WWOX: variants seen among roughly 807,000 people sequenced by gnomAD.
WWOX encodes WW domain-containing oxidoreductase.
A neutral mutation model predicts 46.2 loss-of-function variants in WWOX; 69 were observed. The ratio of observed to expected loss-of-function variants is 1.49; its 90% CI spans 1.23 to 1.82. The LOEUF (loss-of-function observed/expected upper bound fraction) is 1.82, where lower values mean the gene tolerates loss of function less well. Ranked by LOEUF, WWOX falls within the 40% of genes most tolerant of loss-of-function variation. The pLI is 0.00. For missense variants in WWOX, 919 were observed against 542.6 expected, an observed-to-expected ratio of 1.69 and a Z score of -6.89; for synonymous variants, 359 against 202.6, an observed-to-expected ratio of 1.77 and a Z score of -6.56.
intron 8 of WWOX, among the ~76,000 whole-genome samples, chr16:78,951,435 A>G (rs1567670690): frequency 6.6e-6 from 1 of 152,116 alleles, no homozygotes; most frequent in East Asian, 1.9e-4. Flanking sequence ...CTGGACCTGG[A>G]ATAAAGACCA....
At chr16:78,222,853 C>G (rs947162852) in intron 5 of WWOX, among the ~76,000 whole-genome samples, 2 of 152,214 alleles carry the variant, frequency 1.3e-5, no homozygotes, top group Non-Finnish European at 2.9e-5. Context: ...AGTAATCTCA[C>G]AAAAGATCTT....
chr16:78,359,169 T>C (rs1321355566), intron 5 of WWOX, among the ~76,000 whole-genome samples: 2 of 152,214 alleles, frequency 1.3e-5, no homozygotes, highest in East Asian at 3.8e-4. Context: ...CACCATATCA[T>C]GTATTTGTCA....
chr16:78,914,406 G>A lies in WWOX; in HGVS notation c.1057-297202G>A, dbSNP rs189820831. 5.5e-3 allele frequency among the ~76,000 whole-genome samples: 830 copies of A among 152,196 alleles called. 10 individuals are homozygous for A. The highest frequency in any genetic ancestry group is 0.014 in the South Asian group (68 of 4,826). On this transcript the variant is annotated intron_variant, in intron 8 of 8. Coordinates refer to ENST00000566780, the MANE Select transcript of WWOX (RefSeq NM_016373.4). ...TTTGCAGGTGAGTGAATGAGGGAGTGAATGAATGAGGGATTTGCAGCTTGA... is the reference window on the plus strand; with the variant it reads ...TTTGCAGGTGAGTGAATGAGGGAGTAAATGAATGAGGGATTTGCAGCTTGA...
At chr16:78,473,004 C>T (rs2084264515) in intron 8 of WWOX, among the ~76,000 whole-genome samples, 1 of 152,028 alleles carries the variant, frequency 6.6e-6, no homozygotes, top group Non-Finnish European at 1.5e-5. Context: ...TGCAGGAGAA[C>T]ATTTTTAAAT....
chr16:78,361,473 C>A (rs779318197), intron 5 of WWOX, among the ~76,000 whole-genome samples: 20 of 152,150 alleles, frequency 1.3e-4, no homozygotes, highest in Non-Finnish European at 5.9e-5. Flanking sequence ...TGCTGACTTT[C>A]TATTGTTGGA....
In WWOX at chr16:78,371,951, T is replaced by C. The variant is rs576215189; in HGVS notation, c.517-14909T>C. On this transcript the variant is annotated intron_variant, in intron 5 of 8. Coordinates refer to ENST00000566780, the MANE Select transcript of WWOX (RefSeq NM_016373.4). ...TTTCCAGCTTATGTAACAGTGCTTA[T>C]TGGGCGCTCAGTTGAGGCTGGAAAT... 2.0e-5 allele frequency among the ~76,000 whole-genome samples: 3 copies of C among 152,334 alleles called. No individual in the cohort carries two copies. In the East Asian group the frequency reaches 5.8e-4, roughly 29 times the overall value.
At chr16:79,017,627 G>T (rs2047444686) in intron 8 of WWOX, among the ~76,000 whole-genome samples, 1 of 151,772 alleles carries the variant, frequency 6.6e-6, no homozygotes, top group Admixed American at 6.6e-5. Flanking sequence ...AAATTAATGT[G>T]CATGGCCGTG....
chr16:78,126,923 G>A (rs1487829527), intron 4 of WWOX, among the ~76,000 whole-genome samples: 1 of 152,182 alleles, frequency 6.6e-6, no homozygotes, highest in Non-Finnish European at 1.5e-5. Flanking sequence ...CAGCGCTTCA[G>A]AGCTTTTCTA....
chr16:78,366,024 C>T (rs1257016771), intron 5 of WWOX, among the ~76,000 whole-genome samples: 1 of 152,140 alleles, frequency 6.6e-6, no homozygotes, highest in Non-Finnish European at 1.5e-5. Flanking sequence ...AGGAAAGTAT[C>T]ACTGGTTAAT....
chr16:78,200,775 G>C (rs1567422990), intron 5 of WWOX, among the ~76,000 whole-genome samples: 1 of 152,028 alleles, frequency 6.6e-6, no homozygotes, highest in Admixed American at 6.6e-5. Flanking sequence ...GGTTATATGT[G>C]CTGGACCCTG....
intron 8 of WWOX, chr16:78,534,601 T>A (rs1231490251): frequency 3.3e-5 from 5 of 152,230 alleles, no homozygotes; most frequent in Non-Finnish European, 1.5e-5. Context: ...ATAGGGAAGA[T>A]GGCCCCTATG....
chr16:78,126,059 A>G (rs946953911), intron 4 of WWOX, among the ~76,000 whole-genome samples: 28 of 152,264 alleles, frequency 1.8e-4, no homozygotes, highest in African/African-American at 2.4e-4. Flanking sequence ...TGATTTTTCT[A>G]TTTAAATTGT....
chr16:78,286,658 A>G (rs950620984), intron 5 of WWOX, among the ~76,000 whole-genome samples: 5 of 152,076 alleles, frequency 3.3e-5, no homozygotes, highest in African/African-American at 2.4e-5. Context: ...ATTTATAAGT[A>G]GTATATTTGG....
intron 8 of WWOX, among the ~76,000 whole-genome samples, chr16:78,658,316 A>G (rs930476741): frequency 6.6e-6 from 1 of 152,150 alleles, no homozygotes; most frequent in Non-Finnish European, 1.5e-5. Flanking sequence ...TAATAATATA[A>G]ACTACTACTT....
chr16:78,589,393 C>T (rs1443046969), intron 8 of WWOX, among the ~76,000 whole-genome samples: 1 of 152,152 alleles, frequency 6.6e-6, no homozygotes. Context: ...TCATTTCTAC[C>T]TTGTTGGTAT....
intron 8 of WWOX, among the ~76,000 whole-genome samples, chr16:78,730,643 A>T (rs1381510317): frequency 8.3e-6 from 1 of 120,726 alleles, no homozygotes; most frequent in Non-Finnish European, 1.7e-5. Flanking sequence ...TTTTTTAAGT[A>T]GAGACAGGGT....
At chr16:78,943,133 C>A (rs989152662) in intron 8 of WWOX, among the ~76,000 whole-genome samples, 26 of 152,290 alleles carry the variant, frequency 1.7e-4, no homozygotes, top group African/African-American at 6.0e-4. Flanking sequence ...AAGGTGGCAA[C>A]ACATGGTGGG....
chr16:78,332,246 T>A (rs1480429877), intron 5 of WWOX, among the ~76,000 whole-genome samples: 1 of 152,158 alleles, frequency 6.6e-6, no homozygotes, highest in African/African-American at 2.4e-5. Flanking sequence ...GAATCCCAGA[T>A]CCCAGATGGA....
intron 8 of WWOX, among the ~76,000 whole-genome samples, chr16:78,489,115 A>G (rs1040459989): frequency 6.6e-6 from 1 of 152,236 alleles, no homozygotes; most frequent in Admixed American, 6.5e-5. Flanking sequence ...TTACTAGCAG[A>G]TCAATAGTGA....
Sources: allele counts gnomAD v4.1 joint callset (sites outside exome capture counted in the v4.1 genomes callset), GRCh38; gene constraint gnomAD v4.1.1; transcripts MANE v1.5; gene names NCBI Gene and HGNC (gene_info 2026-07-23, HGNC 2026-07-21).